DPP10: variants seen among roughly 807,000 people sequenced by gnomAD.
DPP10 encodes the protein dipeptidyl peptidase like 10, also known as inactive dipeptidyl peptidase 10.
In DPP10, 33 loss-of-function variants were observed where a neutral mutation model predicts 120.9. The ratio of observed to expected loss-of-function variants is 0.27; its 90% CI spans 0.21 to 0.37. DPP10 has a LOEUF of 0.37. Ranked by LOEUF, DPP10 falls within the 10% of genes least tolerant of loss-of-function variation. DPP10 has a pLI of 1.00. For synonymous variants in DPP10, 337 were observed against 326.1 expected, an observed-to-expected ratio of 1.03 and a Z score of -0.36; for missense variants, 816 against 942.8, an observed-to-expected ratio of 0.87 and a Z score of 1.76.
At chr2:115,684,598 A>T (rs568597329) in intron 5 of DPP10, among the ~76,000 whole-genome samples, 1 of 151,952 alleles carries the variant, frequency 6.6e-6, no homozygotes, top group South Asian at 2.1e-4. Flanking sequence ...CATGAAAATG[A>T]ATGCTATTTA....
chr2:115,192,113 C>T (rs1315064986), intron 1 of DPP10, among the ~76,000 whole-genome samples: 2 of 152,164 alleles, frequency 1.3e-5, no homozygotes, highest in African/African-American at 2.4e-5. Flanking sequence ...GGGCTAATTT[C>T]TTAATGGCAC....
intron 1 of DPP10, among the ~76,000 whole-genome samples, chr2:114,617,309 T>A (rs980744615): frequency 1.3e-5 from 2 of 152,076 alleles, no homozygotes; most frequent in Admixed American, 1.3e-4. Context: ...AGTATTGTAG[T>A]TAGTAGAAAA....
At chr2:114,500,146 A>G (rs184795956) in intron 1 of DPP10, among the ~76,000 whole-genome samples, 3 of 152,362 alleles carry the variant, frequency 2.0e-5, no homozygotes, top group Non-Finnish European at 4.4e-5. Flanking sequence ...AAAGCAGAGA[A>G]TATGCCTTAG....
rs1278250858 is a variant in DPP10, at chr2:115,843,259, C to G, written c.*914C>G. On this transcript the variant is annotated 3_prime_UTR_variant, in exon 26 of 26. Coordinates refer to ENST00000410059, the MANE Select transcript of DPP10 (RefSeq NM_020868.6). ...TGCATTTAATTTTTTGAATATGATA[C>G]CTTGTCACATGTAAATTAGATACTT... 2 of 152,488 alleles carry G rather than the reference C, an allele frequency of 1.3e-5. No homozygotes were observed. The highest frequency in any genetic ancestry group is 2.4e-5 in the African/African-American group (1 of 41,406). 9.4% of individuals were successfully genotyped at this position (152,488 alleles called of 1,614,324 possible).
At chr2:115,807,088 A>T (rs1193552791) in intron 19 of DPP10, among the ~76,000 whole-genome samples, 1 of 152,216 alleles carries the variant, frequency 6.6e-6, no homozygotes, top group Non-Finnish European at 1.5e-5. Flanking sequence ...TGATATAGCT[A>T]TTCCCAGCAA....
chr2:115,114,930 A>G (rs147981207), intron 1 of DPP10, among the ~76,000 whole-genome samples: 1 of 152,172 alleles, frequency 6.6e-6, no homozygotes, highest in African/African-American at 2.4e-5. Context: ...ATAGTTTGAT[A>G]AGAATAAAGA....
intron 2 of DPP10, among the ~76,000 whole-genome samples, chr2:115,328,048 A>T (rs1374264870): frequency 6.6e-6 from 1 of 152,066 alleles, no homozygotes; most frequent in Non-Finnish European, 1.5e-5. Flanking sequence ...GTCCACAACC[A>T]TACACCAGAA....
intron 1 of DPP10, among the ~76,000 whole-genome samples, chr2:114,721,692 T>C (rs1190977862): frequency 6.6e-6 from 1 of 152,204 alleles, no homozygotes; most frequent in African/African-American, 2.4e-5. Flanking sequence ...TGTAATAATG[T>C]ACACATATGG....
chr2:115,352,490 C>G lies in DPP10; in HGVS notation c.271+8578C>G, dbSNP rs536584560. Among the ~76,000 whole-genome samples, 11 of 152,198 alleles carry G rather than the reference C, an allele frequency of 7.2e-5. 1 individual carries two copies. The South Asian group carries it at 2.3e-3, about 32-fold the overall frequency. ...GGCCCAGGAAATCTGTTTGTCAATA[C>G]AAATATAGAATAATAGATACATTGA... On this transcript the variant is annotated intron_variant, in intron 3 of 25. Coordinates refer to ENST00000410059, the MANE Select transcript of DPP10 (RefSeq NM_020868.6).
At chr2:115,087,106 G>A (rs1363207930) in intron 1 of DPP10, among the ~76,000 whole-genome samples, 1 of 152,164 alleles carries the variant, frequency 6.6e-6, no homozygotes, top group Non-Finnish European at 1.5e-5. Context: ...ATTCTTTAAT[G>A]TGTTTTTATT....
intron 1 of DPP10, among the ~76,000 whole-genome samples, chr2:114,473,904 G>T (rs1680151705): frequency 6.6e-6 from 1 of 151,926 alleles, no homozygotes; most frequent in Non-Finnish European, 1.5e-5. Flanking sequence ...TATACATTTG[G>T]CTAAACAAAA....
chr2:115,652,409 A>ATGTGTATGTGTGTG (rs1181566449), intron 5 of DPP10, among the ~76,000 whole-genome samples: 1,694 of 145,558 alleles, frequency 0.012, 32 homozygotes, highest in African/African-American at 0.041. Context: ...TAGGATATAT[A>ATGTGTATGTGTGTG]TGTGTGTGTG....
intron 1 of DPP10, among the ~76,000 whole-genome samples, chr2:114,920,703 T>G (rs1359376870): frequency 6.6e-6 from 1 of 152,162 alleles, no homozygotes; most frequent in Non-Finnish European, 1.5e-5. Flanking sequence ...CTCATAAACA[T>G]TTTACAAGAA....
At chr2:114,656,400 A>G (rs1558973141) in intron 1 of DPP10, among the ~76,000 whole-genome samples, 1 of 152,148 alleles carries the variant, frequency 6.6e-6, no homozygotes, top group African/African-American at 2.4e-5. Flanking sequence ...TGCAGAAGAT[A>G]AAAAAGGAAG....
intron 1 of DPP10, among the ~76,000 whole-genome samples, chr2:114,845,205 A>G (rs1190713410): frequency 6.6e-6 from 1 of 152,136 alleles, no homozygotes; most frequent in Non-Finnish European, 1.5e-5. Context: ...CAACCCACAT[A>G]TGGGATGCTA....
intron 1 of DPP10, among the ~76,000 whole-genome samples, chr2:114,455,733 T>C (rs564466017): frequency 1.3e-5 from 2 of 149,040 alleles, no homozygotes; most frequent in South Asian, 2.1e-4. Flanking sequence ...TCATTTGTTT[T>C]TTTTTTTTTT....
chr2:114,903,605 G>C (rs1308662765), intron 1 of DPP10, among the ~76,000 whole-genome samples: 1 of 152,126 alleles, frequency 6.6e-6, no homozygotes, highest in Non-Finnish European at 1.5e-5. Flanking sequence ...TTTTCAATTA[G>C]ACTGCATTAT....
chr2:115,084,302 C>T (rs1274118048), intron 1 of DPP10, among the ~76,000 whole-genome samples: 2 of 152,188 alleles, frequency 1.3e-5, no homozygotes, highest in Non-Finnish European at 2.9e-5. Context: ...TAATAATGCG[C>T]TGACCTCCTA....
chr2:115,825,281 C>A (rs1463632771), intron 21 of DPP10, among the ~76,000 whole-genome samples: 2 of 152,112 alleles, frequency 1.3e-5, no homozygotes, highest in Non-Finnish European at 2.9e-5. Flanking sequence ...AGAATTCTAT[C>A]TCTTATTAAG....
Sources: allele counts gnomAD v4.1 joint callset (sites outside exome capture counted in the v4.1 genomes callset), GRCh38; gene constraint gnomAD v4.1.1; transcripts MANE v1.5; gene names NCBI Gene and HGNC (gene_info 2026-07-23, HGNC 2026-07-21).